Variants in ZMYND8 observed in about 807,000 individuals in gnomAD.
ZMYND8 encodes the protein MYND-type zinc finger-containing chromatin reader ZMYND8.
A neutral mutation model predicts 140.8 loss-of-function variants in ZMYND8; 37 were observed. That is an observed-to-expected ratio of 0.26 (90% CI 0.20 to 0.35). ZMYND8 has a LOEUF of 0.35. Ranked by LOEUF, ZMYND8 falls within the 10% of genes least tolerant of loss-of-function variation. The pLI, the probability that ZMYND8 is intolerant of heterozygous loss-of-function variation, is 1.00. For missense variants in ZMYND8, 1,068 were observed against 1,570.0 expected (o/e 0.68, Z 5.40); for synonymous variants, 592 against 597.1 (o/e 0.99, Z 0.12).
At chr20:47,270,755 A>T (rs2075880782) in intron 11 of ZMYND8, among the ~76,000 whole-genome samples, 1 of 150,250 alleles carries the variant, frequency 6.7e-6, no homozygotes. Flanking sequence ...AGTAGTTCCC[A>T]TTTTTTTTAA....
chr20:47,285,470 G>A (rs1373737867), intron 8 of ZMYND8, among the ~76,000 whole-genome samples: 1 of 152,142 alleles, frequency 6.6e-6, no homozygotes, highest in Admixed American at 6.5e-5. Flanking sequence ...TTTCTTCAAG[G>A]AAATGCAAAC....
At chr20:47,276,192 G>T in intron 11 of ZMYND8, 122 bp downstream of exon 11, 1 of 1,307,196 alleles carries the variant, frequency 7.6e-7, no homozygotes. Context: ...AATCTGCTCT[G>T]TGGCCCCCTA....
intron 1 of ZMYND8, chr20:47,354,043 C>T (rs1202863505): frequency 6.6e-6 from 1 of 152,166 alleles, no homozygotes; most frequent in Non-Finnish European, 1.5e-5. Flanking sequence ...CCGTCCCTAC[C>T]TAGTCCTGCT....
chr20:47,348,339 T>C (rs1311635899), intron 1 of ZMYND8: 3 of 212,468 alleles, frequency 1.4e-5, no homozygotes, highest in East Asian at 1.4e-4. Context: ...CTGAATACTT[T>C]AGGGCAAAGA....
chr20:47,212,981 A>G (rs1568865879), intron 21 of ZMYND8, among the ~76,000 whole-genome samples: 2 of 152,254 alleles, frequency 1.3e-5, no homozygotes, highest in East Asian at 3.8e-4. Flanking sequence ...ACAATGACAT[A>G]AAAGCAACTC....
chr20:47,291,712 GTGA>G, intron 6 of ZMYND8, 81 bp downstream of exon 6: 1 of 1,018,744 alleles, frequency 9.8e-7, no homozygotes, highest in Non-Finnish European at 1.4e-6. Flanking sequence ...TGTCCAACTT[GTGA>G]TAGAGCATAG....
At chr20:47,328,232 G>A (rs1039740670) in intron 2 of ZMYND8, among the ~76,000 whole-genome samples, 1 of 152,182 alleles carries the variant, frequency 6.6e-6, no homozygotes. Context: ...AGGATGGCCA[G>A]GTCCTAGAAA....
At chr20:47,224,184 GT>G in intron 19 of ZMYND8, 132 bp downstream of exon 19, 1 of 1,435,488 alleles carries the variant, frequency 7.0e-7, no homozygotes, top group Non-Finnish European at 9.4e-7. Flanking sequence ...AGACACAATT[GT>G]TTTTGAGTGA....
At chr20:47,242,310 G>A (rs1165931894) in intron 14 of ZMYND8, among the ~76,000 whole-genome samples, 1 of 152,168 alleles carries the variant, frequency 6.6e-6, no homozygotes, top group African/African-American at 2.4e-5. Flanking sequence ...CCCCAGAGAG[G>A]AGAATCCAGC....
At chr20:47,305,619 A>T (rs1195009023) in intron 3 of ZMYND8, among the ~76,000 whole-genome samples, 1 of 151,892 alleles carries the variant, frequency 6.6e-6, no homozygotes, top group African/African-American at 2.4e-5. Flanking sequence ...TTAGGGCAAC[A>T]TGTGGGCCCA....
At chr20:47,356,401 T>C in intron 1 of ZMYND8, 1 of 1,531,196 alleles carries the variant, frequency 6.5e-7, no homozygotes, top group South Asian at 1.2e-5. Context: ...TTCAAACTCT[T>C]CCAGAAACAC....
intron 21 of ZMYND8, 140 bp from the exon 22 acceptor site, chr20:47,212,865 C>A: frequency 1.4e-6 from 1 of 702,018 alleles, no homozygotes. Flanking sequence ...CACCATTGTC[C>A]AACTTTAATG....
At chr20:47,304,830 T>A (rs2078354869) in intron 3 of ZMYND8, among the ~76,000 whole-genome samples, 3 of 152,062 alleles carry the variant, frequency 2.0e-5, no homozygotes, top group Admixed American at 1.3e-4. Context: ...TCAGCTCCAG[T>A]GATCCAAGGA....
chr20:47,219,055 A>ATT (rs3092175), intron 21 of ZMYND8, among the ~76,000 whole-genome samples: 4,304 of 110,886 alleles, frequency 0.039, 296 homozygotes, highest in East Asian at 0.18. Flanking sequence ...CGTTTCTACA[A>ATT]TTTTTTTTTT....
chr20:47,350,436 CACT>C (rs909200780), intron 1 of ZMYND8, among the ~76,000 whole-genome samples: 2 of 150,416 alleles, frequency 1.3e-5, no homozygotes, highest in African/African-American at 4.9e-5. Context: ...TTTCCTACAC[CACT>C]GATTTCGGTT....
At chr20:47,307,558 A>G (rs1055745609) in intron 3 of ZMYND8, among the ~76,000 whole-genome samples, 1 of 152,074 alleles carries the variant, frequency 6.6e-6, no homozygotes, top group African/African-American at 2.4e-5. Flanking sequence ...TGAGCAATAT[A>G]GCAAGACCCC....
chr20:47,312,594 T>C (rs1016206556), intron 2 of ZMYND8, among the ~76,000 whole-genome samples: 1 of 152,114 alleles, frequency 6.6e-6, no homozygotes, highest in African/African-American at 2.4e-5. Context: ...GAGGTCAGCC[T>C]AGCCAACATG....
chr20:47,224,602 T>A (rs774415599), intron 18 of ZMYND8, 46 bp from the exon 19 acceptor site: 2 of 1,604,064 alleles, frequency 1.2e-6, no homozygotes, highest in Non-Finnish European at 1.7e-6. Context: ...GACCCCAGCC[T>A]GGGGTGTGGG....
chr20:47,351,104 C>A (rs1189417952), intron 1 of ZMYND8, among the ~76,000 whole-genome samples: 4 of 152,164 alleles, frequency 2.6e-5, no homozygotes, highest in Admixed American at 2.6e-4. Flanking sequence ...GATTTCTCCC[C>A]CAGTGCCTGA....
Sources: allele counts gnomAD v4.1 joint callset (sites outside exome capture counted in the v4.1 genomes callset), GRCh38; gene constraint gnomAD v4.1.1; transcripts MANE v1.5; gene names NCBI Gene and HGNC (gene_info 2026-07-23, HGNC 2026-07-21).